Variants in SGIP1 observed in about 807,000 individuals in gnomAD.
SGIP1 encodes the protein SH3GL interacting endocytic adaptor 1, also known as SH3-containing GRB2-like protein 3-interacting protein 1.
Under a neutral mutation model 107.5 loss-of-function variants are expected in SGIP1, and 38 were observed. The observed-to-expected ratio is 0.35, with a 90% CI of 0.27 to 0.46. SGIP1 has a LOEUF of 0.46. Among genes scored for constraint, SGIP1 ranks in the 20% least tolerant of loss-of-function variants. The probability of loss-of-function intolerance (pLI) is 1.00; values close to 1 mark genes in which losing one functional copy is unlikely to be tolerated. For missense variants in SGIP1, 929 were observed against 1,019.5 expected, an observed-to-expected ratio of 0.91 and a Z score of 1.21; for synonymous variants, 365 against 366.1, an observed-to-expected ratio of 1.00 and a Z score of 0.03.
intron 1 of SGIP1, among the ~76,000 whole-genome samples, chr1:66,567,843 G>A (rs945299107): frequency 1.3e-5 from 2 of 152,080 alleles, no homozygotes; most frequent in African/African-American, 4.8e-5. Flanking sequence ...TGCGGTCTCT[G>A]TTCTGTTCAC....
chr1:66,683,700 C>CTTTCTTT (rs2087377173), intron 15 of SGIP1, among the ~76,000 whole-genome samples: 1 of 61,398 alleles, frequency 1.6e-5, no homozygotes, highest in East Asian at 1.1e-3. Context: ...TGTTTCTTTT[C>CTTTCTTT]TTTTTTTTTT....
At chr1:66,551,823 C>T (rs1044818424) in intron 1 of SGIP1, among the ~76,000 whole-genome samples, 2 of 152,162 alleles carry the variant, frequency 1.3e-5, no homozygotes, top group Non-Finnish European at 2.9e-5. Context: ...CACCTGCCTC[C>T]AACGTGTGCA....
intron 18 of SGIP1, among the ~76,000 whole-genome samples, chr1:66,712,213 T>C (rs981606217): frequency 7.9e-5 from 12 of 152,184 alleles, no homozygotes; most frequent in African/African-American, 2.7e-4. Flanking sequence ...TACTACCATT[T>C]ATTGTTAATT....
chr1:66,673,856 A>T (rs1285570875), intron 12 of SGIP1, among the ~76,000 whole-genome samples: 1 of 152,116 alleles, frequency 6.6e-6, no homozygotes, highest in African/African-American at 2.4e-5. Flanking sequence ...CCCAGGAATG[A>T]CCTTGAATCA....
At chr1:66,631,040 A>G (rs1184779953) in intron 2 of SGIP1, among the ~76,000 whole-genome samples, 24 of 109,268 alleles carry the variant, frequency 2.2e-4, no homozygotes, top group African/African-American at 6.2e-4. Context: ...AGGAAGGAAG[A>G]AAGGAAGAAA....
chr1:66,701,463 C>T (rs879493727), intron 18 of SGIP1, among the ~76,000 whole-genome samples: 8 of 152,168 alleles, frequency 5.3e-5, no homozygotes, highest in South Asian at 2.1e-4. Flanking sequence ...ATTAAAACCA[C>T]GCTCCTTAGC....
In SGIP1 at chr1:66,671,807, G is replaced by A. The variant is rs187649839; in HGVS notation, c.509-137G>A. The A allele has an allele frequency of 1.2e-3, 906 of 741,334 alleles. 3 individuals carry two copies. Among genetic ancestry groups the A allele is most frequent in the South Asian group, 2.5e-3 (143 of 56,678 alleles). The allele number at this position is 741,334 out of a possible 1,614,324, so 45.9% of individuals were successfully genotyped here. A position where few individuals can be genotyped will look rare whatever the true frequency, so the allele number is the denominator to read the frequency against. On this transcript the variant is annotated intron_variant, in intron 10 of 24. Coordinates refer to ENST00000371037, the MANE Select transcript of SGIP1 (RefSeq NM_032291.4). ...GGCTGTTGCATTGCCAGGGGAGAAG[G>A]TTTGTTTTGCAAAGTTTTCATACTG...
chr1:66,669,268 G>C (rs1169668755), intron 9 of SGIP1, among the ~76,000 whole-genome samples: 3 of 152,196 alleles, frequency 2.0e-5, no homozygotes, highest in African/African-American at 7.2e-5. Flanking sequence ...TGAATGAATT[G>C]ACACACCTGG....
At chr1:66,741,761 A>AT (rs1458024458) in intron 24 of SGIP1, among the ~76,000 whole-genome samples, 2 of 147,626 alleles carry the variant, frequency 1.4e-5, no homozygotes, top group Admixed American at 6.9e-5. Context: ...TTTGCCTTTT[A>AT]TTTTTATTTA....
chr1:66,681,202 T>C (rs903954404), intron 14 of SGIP1, among the ~76,000 whole-genome samples: 3 of 152,204 alleles, frequency 2.0e-5, no homozygotes, highest in African/African-American at 7.2e-5. Flanking sequence ...TATGTGTGTG[T>C]TGTGTGTGGG....
At chr1:66,673,256 T>C (rs1359467483) in intron 11 of SGIP1, 25 bp from the exon 12 acceptor site, 1 of 1,611,300 alleles carries the variant, frequency 6.2e-7, no homozygotes, top group Non-Finnish European at 8.5e-7. Context: ...TTTCCCTGTA[T>C]TTTGCCTTAA....
intron 10 of SGIP1, among the ~76,000 whole-genome samples, chr1:66,671,604 T>C (rs532890020): frequency 3.3e-5 from 5 of 152,358 alleles, no homozygotes; most frequent in African/African-American, 1.2e-4. Flanking sequence ...CCTGGCTTAG[T>C]ATTCTCTTAA....
At chr1:66,729,211 G>A (rs1424025811) in intron 19 of SGIP1, 53 bp from the exon 20 acceptor site, 1 of 1,598,064 alleles carries the variant, frequency 6.3e-7, no homozygotes, top group Non-Finnish European at 8.6e-7. Context: ...TTTTGATTCA[G>A]TGTATTGACA....
chr1:66,656,027 T>A (rs552193515), intron 7 of SGIP1, among the ~76,000 whole-genome samples: 1 of 152,264 alleles, frequency 6.6e-6, no homozygotes, highest in Admixed American at 6.5e-5. Context: ...ACTCTTTCTT[T>A]GTAGTATTTA....
At chr1:66,685,063 G>C (rs889034446) in intron 15 of SGIP1, among the ~76,000 whole-genome samples, 2 of 152,196 alleles carry the variant, frequency 1.3e-5, no homozygotes, top group African/African-American at 4.8e-5. Context: ...ACATATACAA[G>C]CTGGAAGAAA....
At chr1:66,661,670 C>G (rs1046290633) in intron 8 of SGIP1, among the ~76,000 whole-genome samples, 3 of 152,188 alleles carry the variant, frequency 2.0e-5, no homozygotes, top group Admixed American at 6.5e-5. Flanking sequence ...TGCTCTTTAA[C>G]AGCCTTTTCT....
intron 1 of SGIP1, among the ~76,000 whole-genome samples, chr1:66,610,715 A>AT (rs34048147): frequency 7.3e-5 from 11 of 150,962 alleles, no homozygotes; most frequent in Non-Finnish European, 8.9e-5. Context: ...CATAGTATAG[A>AT]TTTTTTTTTT....
At chr1:66,622,951 C>T (rs551942099) in intron 1 of SGIP1, among the ~76,000 whole-genome samples, 2 of 152,244 alleles carry the variant, frequency 1.3e-5, no homozygotes, top group East Asian at 1.9e-4. Context: ...GTTTTTAAAA[C>T]TTATCGGATT....
intron 18 of SGIP1, among the ~76,000 whole-genome samples, chr1:66,697,414 G>T (rs530882199): frequency 8.6e-5 from 13 of 152,022 alleles, no homozygotes; most frequent in African/African-American, 3.1e-4. Context: ...TGCAAGAAGC[G>T]TTTTAATAGA....
Sources: allele counts gnomAD v4.1 joint callset (sites outside exome capture counted in the v4.1 genomes callset), GRCh38; gene constraint gnomAD v4.1.1; transcripts MANE v1.5; gene names NCBI Gene and HGNC (gene_info 2026-07-23, HGNC 2026-07-21).